FAT4: variants seen among roughly 807,000 people sequenced by gnomAD.
FAT4 encodes the protein protocadherin Fat 4.
FAT4 carries 84 observed loss-of-function variants against 303.9 expected under a neutral mutation model. That is an observed-to-expected ratio of 0.28 (90% confidence interval 0.23 to 0.33). The LOEUF is 0.33. Among genes scored for constraint, FAT4 ranks in the 10% least tolerant of loss-of-function variants. The pLI is 1.00. For synonymous variants in FAT4, 2,307 were observed against 2,298.8 expected (o/e 1.00, Z -0.10); for missense variants, 6,005 against 6,146.8 (o/e 0.98, Z 0.77).
intron 5 of FAT4, 34 bp from the exon 6 acceptor site, chr4:125,414,850 G>A: frequency 1.3e-6 from 2 of 1,491,736 alleles, no homozygotes; most frequent in African/African-American, 1.4e-5. Context: ...ATCAGCATAT[G>A]TTTAAGAAAA....
intron 5 of FAT4, among the ~76,000 whole-genome samples, chr4:125,410,674 T>C (rs1455556519): frequency 6.6e-6 from 1 of 152,108 alleles, no homozygotes; most frequent in South Asian, 2.1e-4. Context: ...AAGTTTTATT[T>C]ACCATCATAA....
chr4:125,421,715 T>G (rs952015582), intron 7 of FAT4, among the ~76,000 whole-genome samples: 2 of 152,152 alleles, frequency 1.3e-5, no homozygotes, highest in African/African-American at 2.4e-5. Flanking sequence ...TGATGGTTTT[T>G]TTTTGGCCAG....
intron 17 of FAT4, among the ~76,000 whole-genome samples, chr4:125,488,860 G>A (rs967892739): frequency 1.8e-4 from 28 of 152,142 alleles, no homozygotes; most frequent in African/African-American, 6.8e-4. Flanking sequence ...TGAAAAGAAA[G>A]CCTGGGACGT....
At chr4:125,323,790 G>A (rs1355170791) in intron 2 of FAT4, among the ~76,000 whole-genome samples, 1 of 152,108 alleles carries the variant, frequency 6.6e-6, no homozygotes, top group Non-Finnish European at 1.5e-5. Context: ...TATCAAAGGC[G>A]ATTTTTAAAT....
chr4:125,319,362 T>C lies in FAT4; in HGVS notation c.2951T>C (p.Val984Ala). 6.2e-7 allele frequency: 1 copy of C among 1,612,636 alleles called. No homozygotes were observed. The highest frequency in any genetic ancestry group is 8.5e-7 in the Non-Finnish European group (1 of 1,179,126). Residue 984 changes from valine to alanine, a missense_variant, in exon 2 of 18, where the codon GTT becomes GCT. Val to Ala is a moderately conservative substitution (Grantham distance 64). Transcript: ENST00000394329. ...CTCTCCTCTAGTGTCATCTTAACAG[T>C]TTATGTCCATGATGTAAATGACAAT... ...PQLSSSVILT[V>A]YVHDVNDNSP...
At chr4:125,329,443 C>T (rs1181249208) in intron 2 of FAT4, among the ~76,000 whole-genome samples, 3 of 152,154 alleles carry the variant, frequency 2.0e-5, no homozygotes, top group African/African-American at 7.2e-5. Context: ...ACTTTTTACC[C>T]TTTTTTATTT....
rs1730550783 is a variant in FAT4, at chr4:125,315,719, G to C, written c.-271G>C. Among the ~76,000 whole-genome samples, 1 of 152,162 alleles carries C rather than the reference G, an allele frequency of 6.6e-6. No homozygotes were observed. On this transcript the variant is annotated 5_prime_UTR_variant, in exon 1 of 18. Coordinates refer to ENST00000394329, the MANE Select transcript of FAT4 (RefSeq NM_001291303.3). Reference sequence around the variant, plus strand: ...TGAGCGCTCCCGGGTACGGGAGCCAGAGCGCGAACGCTAGCGCTTGGAACG... The same window carrying C: ...TGAGCGCTCCCGGGTACGGGAGCCACAGCGCGAACGCTAGCGCTTGGAACG...
chr4:125,327,037 A>G (rs574307225), intron 2 of FAT4, among the ~76,000 whole-genome samples: 1 of 152,300 alleles, frequency 6.6e-6, no homozygotes, highest in African/African-American at 2.4e-5. Context: ...AAAAAAATTC[A>G]TAAGTATTTT....
chr4:125,488,345 T>A (rs1727485075), intron 17 of FAT4, among the ~76,000 whole-genome samples: 1 of 152,190 alleles, frequency 6.6e-6, no homozygotes, highest in African/African-American at 2.4e-5. Flanking sequence ...TTGAAAACTT[T>A]AATCACAGTA....
Position 125,449,284 on chromosome 4 carries a change from A to G in FAT4, c.8274A>G (p.Ser2758=). ...SDKGSPSQST[S]VKVMINILDE... ...AAGGGTCCCCGTCTCAGAGTACTTCAGTAAAAGTCATGATTAACATTTTAG... is the reference window on the plus strand; with the variant it reads ...AAGGGTCCCCGTCTCAGAGTACTTCGGTAAAAGTCATGATTAACATTTTAG... Residue 2758 remains serine, a synonymous_variant, in exon 10 of 18, where the codon TCA becomes TCG. Coordinates refer to ENST00000394329, the MANE Select transcript of FAT4 (RefSeq NM_001291303.3). 2 of 1,613,960 alleles carry G rather than the reference A, an allele frequency of 1.2e-6. No individual in the cohort carries two copies. Among genetic ancestry groups the G allele is most frequent in the Non-Finnish European group, 1.7e-6 (2 of 1,179,916 alleles).
chr4:125,491,865 C>A lies in FAT4; in HGVS notation c.*97C>A. 4.1e-6 allele frequency: 5 copies of A among 1,228,586 alleles called. No homozygotes were observed. Among genetic ancestry groups the A allele is most frequent in the Non-Finnish European group, 5.6e-6 (5 of 894,306 alleles). The allele number at this position is 1,228,586 out of a possible 1,614,324, so 76.1% of individuals were successfully genotyped here. On this transcript the variant is annotated 3_prime_UTR_variant, in exon 18 of 18. Coordinates refer to ENST00000394329, the MANE Select transcript of FAT4 (RefSeq NM_001291303.3). ...GGTTGGGTCACATTTGAAAAACAGG[C>A]CAGTATGGACTAGTGGTGGAGGGAA...
chr4:125,321,619 A>G (rs773458014), intron 2 of FAT4, 33 bp downstream of exon 2: 7 of 1,534,862 alleles, frequency 4.6e-6, no homozygotes, highest in Non-Finnish European at 6.1e-6. Context: ...TTATTTGTTG[A>G]TTTGCTTTTT....
intron 5 of FAT4, 63 bp from the exon 6 acceptor site, chr4:125,414,821 T>C (rs1734975388): frequency 1.8e-6 from 2 of 1,106,246 alleles, no homozygotes; most frequent in Non-Finnish European, 2.6e-6. Context: ...CTAAAAGTTT[T>C]GGTATAGCTT....
chr4:125,472,753 A>G (rs1408177288), intron 12 of FAT4, among the ~76,000 whole-genome samples: 1 of 152,214 alleles, frequency 6.6e-6, no homozygotes, highest in Non-Finnish European at 1.5e-5. Flanking sequence ...TATGAGGGGG[A>G]AAAAGAATAA....
chr4:125,473,692 G>A lies in FAT4; in HGVS notation c.12214-2479G>A, dbSNP rs146549714. Among the ~76,000 whole-genome samples the A allele has an allele frequency of 1.6e-4, 24 of 152,008 alleles. No homozygotes were observed. The East Asian group carries it at 4.4e-3, about 28-fold the overall frequency. On this transcript the variant is annotated intron_variant, in intron 12 of 17. Transcript: ENST00000394329. The stretch of plus-strand genomic sequence containing the variant: ...AAGTATACTATAATGTAAAATAAAC[G>A]ATTTTACCTGATGACCTCCAAGGTC...
At chr4:125,392,161 GTTAC>G (rs1186069409) in intron 2 of FAT4, among the ~76,000 whole-genome samples, 2 of 152,046 alleles carry the variant, frequency 1.3e-5, no homozygotes, top group African/African-American at 4.8e-5. Context: ...TGACAAAACT[GTTAC>G]TTGCTTGTAT....
chr4:125,409,480 T>C (rs925236331), intron 5 of FAT4, among the ~76,000 whole-genome samples: 1 of 152,132 alleles, frequency 6.6e-6, no homozygotes, highest in Admixed American at 6.6e-5. Flanking sequence ...AATCTCCAAC[T>C]CCTGACCTCA....
intron 5 of FAT4, among the ~76,000 whole-genome samples, chr4:125,409,565 A>G (rs942135301): frequency 6.6e-6 from 1 of 152,156 alleles, no homozygotes; most frequent in Non-Finnish European, 1.5e-5. Context: ...CCAGCTAATA[A>G]TATTTTAACT....
At position 125,448,680 on chromosome 4, in the gene FAT4, C is replaced by T; in HGVS notation, c.7670C>T (p.Thr2557Ile). Residue 2557 changes from threonine (T) to isoleucine (I), a missense_variant, in exon 10 of 18, where the codon ACT becomes ATT. By Grantham distance (89) the Thr-to-Ile change is moderately conservative. Transcript: ENST00000394329. ...CCAAAGACAGATTCTACAACAGTGA[C>T]TGTTAGATTCGTGAATAAGGCCGAT... Reference protein sequence around the residue: ...SFPKTDSTTVTVRFVNKADFP... With the variant: ...SFPKTDSTTVIVRFVNKADFP... 1 of 1,613,926 alleles carries T rather than the reference C, an allele frequency of 6.2e-7. No homozygotes were observed. Among genetic ancestry groups the T allele is most frequent in the Non-Finnish European group, 8.5e-7 (1 of 1,179,888 alleles).
Sources: allele counts gnomAD v4.1 joint callset (sites outside exome capture counted in the v4.1 genomes callset), GRCh38; gene constraint gnomAD v4.1.1; transcripts MANE v1.5; gene names NCBI Gene and HGNC (gene_info 2026-07-23, HGNC 2026-07-21).